ALOX5: variants seen among roughly 807,000 people sequenced by gnomAD.
ALOX5 encodes polyunsaturated fatty acid 5-lipoxygenase.
In ALOX5, 64 loss-of-function variants were observed where a neutral mutation model predicts 87.9. That is an observed-to-expected ratio of 0.73 (90% confidence interval 0.60 to 0.90). ALOX5 has a LOEUF of 0.90. ALOX5 is among the 40% of genes least tolerant of loss of function. ALOX5 has a pLI of 0.00. For synonymous variants in ALOX5, 388 were observed against 355.1 expected, an observed-to-expected ratio of 1.09 and a Z score of -1.04; for missense variants, 822 against 907.5, an observed-to-expected ratio of 0.91 and a Z score of 1.21.
chr10:45,388,922 G>A (rs559436965), intron 2 of ALOX5, among the ~76,000 whole-genome samples: 6 of 151,502 alleles, frequency 4.0e-5, no homozygotes, highest in South Asian at 2.1e-4. Context: ...GGAACCCATC[G>A]CAAAAAAAGC....
chr10:45,428,575 G>A (rs1565096), intron 6 of ALOX5, 43 bp from the exon 7 acceptor site: 1,226,989 of 1,609,578 alleles, frequency 0.76, 470,038 homozygotes, highest in African/African-American at 0.91. Context: ...TTTTTGGTCC[G>A]TCTGCTGAGC....
At chr10:45,397,510 CAGTT>C (rs753907560) in intron 3 of ALOX5, among the ~76,000 whole-genome samples, 49 of 152,212 alleles carry the variant, frequency 3.2e-4, no homozygotes, top group Admixed American at 6.5e-4. Context: ...CTAGCCAGCT[CAGTT>C]AGGGAATAAA....
chr10:45,385,005 C>T (rs1048883977), intron 2 of ALOX5, among the ~76,000 whole-genome samples: 1 of 152,030 alleles, frequency 6.6e-6, no homozygotes, highest in African/African-American at 2.4e-5. Flanking sequence ...AGCCACCAAG[C>T]CTGGCTAATT....
chr10:45,443,307 T>C, intron 10 of ALOX5, 91 bp downstream of exon 10: 1 of 1,579,244 alleles, frequency 6.3e-7, no homozygotes, highest in Non-Finnish European at 8.6e-7. Context: ...CCGCTAGCGC[T>C]GAATGGGGAC....
At chr10:45,380,046 C>T (rs1839773940) in intron 1 of ALOX5, among the ~76,000 whole-genome samples, 1 of 152,224 alleles carries the variant, frequency 6.6e-6, no homozygotes, top group Non-Finnish European at 1.5e-5. Context: ...TCAGCCCCCA[C>T]TCTGCTCCTC....
chr10:45,397,079 A>G (rs937501942), intron 3 of ALOX5, among the ~76,000 whole-genome samples: 2 of 152,248 alleles, frequency 1.3e-5, no homozygotes, highest in African/African-American at 2.4e-5. Context: ...CAACCTGATA[A>G]AGGTTTGAAA....
At chr10:45,410,909 T>G (rs1283786419) in intron 3 of ALOX5, among the ~76,000 whole-genome samples, 1 of 152,116 alleles carries the variant, frequency 6.6e-6, no homozygotes, top group Non-Finnish European at 1.5e-5. Flanking sequence ...ATTAGGAAAG[T>G]AAAGCAATAA....
At chr10:45,394,720 A>G (rs1326616120) in intron 2 of ALOX5, among the ~76,000 whole-genome samples, 1 of 152,224 alleles carries the variant, frequency 6.6e-6, no homozygotes, top group East Asian at 1.9e-4. Flanking sequence ...ACAAAGGGCT[A>G]ATATCCAGAA....
chr10:45,436,918 C>G (rs961257267), intron 7 of ALOX5, among the ~76,000 whole-genome samples: 1 of 152,140 alleles, frequency 6.6e-6, no homozygotes, highest in African/African-American at 2.4e-5. Flanking sequence ...ATAGTTCTCT[C>G]TGTAGAGCTC....
Position 45,445,705 on chromosome 10 carries a change from C to T in ALOX5, c.*18C>T, listed in dbSNP as rs1164010094. The T allele has an allele frequency of 6.3e-7, 1 of 1,593,974 alleles. No homozygotes were observed. Among genetic ancestry groups the T allele is most frequent in the Admixed American group, 1.7e-5 (1 of 59,032 alleles). Reference sequence around the variant, plus strand: ...CCATCTGAGCACACTGCCAGTCTCACTGTGGGAAGGCCAGCTGCCCCAGCC... The same window carrying T: ...CCATCTGAGCACACTGCCAGTCTCATTGTGGGAAGGCCAGCTGCCCCAGCC... On this transcript the variant is annotated 3_prime_UTR_variant, in exon 14 of 14. Transcript: ENST00000374391.
chr10:45,443,285 C>T (rs1842303065), intron 10 of ALOX5, 69 bp downstream of exon 10: 1 of 1,584,908 alleles, frequency 6.3e-7, no homozygotes. Flanking sequence ...TGGGGCGGGC[C>T]TGGCCCCTCC....
At chr10:45,431,286 C>A (rs1171145795) in intron 7 of ALOX5, among the ~76,000 whole-genome samples, 1 of 151,884 alleles carries the variant, frequency 6.6e-6, no homozygotes. Context: ...TGTTTTTATT[C>A]AACATTATTT....
intron 4 of ALOX5, among the ~76,000 whole-genome samples, chr10:45,420,563 A>C (rs2132791774): frequency 6.6e-6 from 1 of 152,380 alleles, no homozygotes; most frequent in Admixed American, 6.5e-5. Context: ...GGTTAAACTC[A>C]GTGCCCACTG....
chr10:45,386,185 C>G (rs1840001710), intron 2 of ALOX5, among the ~76,000 whole-genome samples: 1 of 151,992 alleles, frequency 6.6e-6, no homozygotes, highest in African/African-American at 2.4e-5. Flanking sequence ...ACTGTAGTCC[C>G]AGCTACTTGG....
chr10:45,393,281 A>T (rs1840363256), intron 2 of ALOX5, among the ~76,000 whole-genome samples: 1 of 152,230 alleles, frequency 6.6e-6, no homozygotes, highest in African/African-American at 2.4e-5. Context: ...CATCCCTGGG[A>T]TGCAAAGCTG....
At chr10:45,400,601 A>AAAAAG (rs571294200) in intron 3 of ALOX5, among the ~76,000 whole-genome samples, 15 of 152,318 alleles carry the variant, frequency 9.8e-5, no homozygotes, top group South Asian at 4.1e-4. Flanking sequence ...TCCATTTCAA[A>AAAAAG]AAAAGAAAAG....
At chr10:45,379,836 C>G (rs1368849188) in intron 1 of ALOX5, among the ~76,000 whole-genome samples, 1 of 152,196 alleles carries the variant, frequency 6.6e-6, no homozygotes, top group Non-Finnish European at 1.5e-5. Context: ...AGCTACTTGC[C>G]TGAAGCTGGG....
At chr10:45,409,593 CTCTG>C (rs112222026) in intron 3 of ALOX5, among the ~76,000 whole-genome samples, 3,900 of 151,142 alleles carry the variant, frequency 0.026, 140 homozygotes, top group African/African-American at 0.068. Context: ...CTCTCTGTCT[CTCTG>C]TCTCTCTTGC....
In ALOX5 at chr10:45,386,777, A is replaced by G. The variant is rs570858236; in HGVS notation, c.349+4096A>G. On this transcript the variant is annotated intron_variant, in intron 2 of 13. Coordinates refer to ENST00000374391, the MANE Select transcript of ALOX5 (RefSeq NM_000698.5). Reference sequence around the variant, plus strand: ...CAGGAGATCTGGGCTCCCCCTATTCACAGCTCTATGGGCTGCGTTCACAGG... The same window carrying G: ...CAGGAGATCTGGGCTCCCCCTATTCGCAGCTCTATGGGCTGCGTTCACAGG... 2.0e-5 allele frequency among the ~76,000 whole-genome samples: 3 copies of G among 152,308 alleles called. No homozygotes were observed. The East Asian group carries it at 5.8e-4, about 29-fold the overall frequency.
Sources: allele counts gnomAD v4.1 joint callset (sites outside exome capture counted in the v4.1 genomes callset), GRCh38; gene constraint gnomAD v4.1.1; transcripts MANE v1.5; gene names NCBI Gene and HGNC (gene_info 2026-07-23, HGNC 2026-07-21).